The following WWOX variants were observed in gnomAD, a reference collection of about 807,000 sequenced individuals.
WWOX encodes WW domain containing oxidoreductase.
WWOX carries 69 observed loss-of-function variants against 46.2 expected under a neutral mutation model. That is an observed-to-expected ratio of 1.49 (90% CI 1.23 to 1.82). The LOEUF is 1.82. WWOX is among the 40% of genes most tolerant of loss of function. WWOX has a pLI of 0.00. For missense variants in WWOX, 919 were observed against 542.6 expected (o/e 1.69, Z -6.89); for synonymous variants, 359 against 202.6 (o/e 1.77, Z -6.56).
At chr16:78,820,688 TG>T (rs1336491973) in intron 8 of WWOX, among the ~76,000 whole-genome samples, 2 of 152,192 alleles carry the variant, frequency 1.3e-5, no homozygotes, top group African/African-American at 4.8e-5. Context: ...ATGTGTTTCC[TG>T]GGCCTGCCAT....
At chr16:78,495,647 T>C (rs2084899616) in intron 8 of WWOX, among the ~76,000 whole-genome samples, 1 of 151,762 alleles carries the variant, frequency 6.6e-6, no homozygotes, top group South Asian at 2.1e-4. Context: ...TAGCTGGGAC[T>C]ACAGGCCAAC....
chr16:78,957,046 C>G (rs896908628), intron 8 of WWOX, among the ~76,000 whole-genome samples: 3 of 152,150 alleles, frequency 2.0e-5, no homozygotes, highest in Admixed American at 1.3e-4. Context: ...ATAGACTTGC[C>G]TCATGTGACT....
At chr16:78,631,617 C>T (rs1199574420) in intron 8 of WWOX, among the ~76,000 whole-genome samples, 2 of 150,096 alleles carry the variant, frequency 1.3e-5, no homozygotes, top group Non-Finnish European at 2.9e-5. Context: ...TGGCTCACTG[C>T]AGCTTCCTCC....
intron 5 of WWOX, among the ~76,000 whole-genome samples, chr16:78,293,719 TGTAATCCCAGCAC>T (rs2079896105): frequency 1.3e-5 from 2 of 152,142 alleles, no homozygotes; most frequent in African/African-American, 4.8e-5. Flanking sequence ...GCCTCAGGCC[TGTAATCCCAGCAC>T]TTTGAGAGGC....
chr16:78,745,131 A>G (rs1597534930), intron 8 of WWOX, among the ~76,000 whole-genome samples: 1 of 152,282 alleles, frequency 6.6e-6, no homozygotes, highest in East Asian at 1.9e-4. Flanking sequence ...TTTAGAGTGG[A>G]GTTTGAATAT....
At chr16:78,868,054 A>G (rs1053662696) in intron 8 of WWOX, among the ~76,000 whole-genome samples, 6 of 152,202 alleles carry the variant, frequency 3.9e-5, no homozygotes, top group Admixed American at 3.3e-4. Flanking sequence ...AAGAAAATAA[A>G]TGCTTATACA....
intron 8 of WWOX, among the ~76,000 whole-genome samples, chr16:79,087,165 T>G (rs1175443608): frequency 6.6e-6 from 1 of 152,192 alleles, no homozygotes; most frequent in Non-Finnish European, 1.5e-5. Flanking sequence ...TCATGAAATT[T>G]ATGGAACAGT....
At chr16:78,492,975 A>T (rs1221128182) in intron 8 of WWOX, among the ~76,000 whole-genome samples, 1 of 152,144 alleles carries the variant, frequency 6.6e-6, no homozygotes, top group Non-Finnish European at 1.5e-5. Flanking sequence ...GTCATTACTA[A>T]TCATCTCTAG....
intron 8 of WWOX, among the ~76,000 whole-genome samples, chr16:78,719,015 G>A (rs1435041228): frequency 6.6e-6 from 1 of 152,074 alleles, no homozygotes; most frequent in Non-Finnish European, 1.5e-5. Flanking sequence ...GGTAGCAGGG[G>A]GGTTAGGTGG....
intron 8 of WWOX, among the ~76,000 whole-genome samples, chr16:78,842,767 A>C (rs2052193488): frequency 6.6e-6 from 1 of 150,922 alleles, no homozygotes; most frequent in Non-Finnish European, 1.5e-5. Flanking sequence ...CAGTAGATTC[A>C]TTTGAGCCCA....
intron 8 of WWOX, among the ~76,000 whole-genome samples, chr16:79,157,740 C>T (rs538866343): frequency 1.3e-5 from 2 of 152,268 alleles, no homozygotes; most frequent in East Asian, 3.9e-4. Flanking sequence ...GGGAAGGGGA[C>T]ATGCTATGTC....
At chr16:78,431,289 C>G (rs1013230795) in intron 7 of WWOX, among the ~76,000 whole-genome samples, 2 of 152,158 alleles carry the variant, frequency 1.3e-5, no homozygotes, top group Non-Finnish European at 2.9e-5. Context: ...CTCATCTTGG[C>G]TTTGTTTACA....
At chr16:78,727,378 C>T (rs1477415) in intron 8 of WWOX, among the ~76,000 whole-genome samples, 24,840 of 152,168 alleles carry the variant, frequency 0.16, 2,640 homozygotes, top group Non-Finnish European at 0.22. Context: ...GAGCAAGACT[C>T]CATCTCAAAG....
At chr16:79,000,091 A>C (rs189305151) in intron 8 of WWOX, among the ~76,000 whole-genome samples, 6 of 152,108 alleles carry the variant, frequency 3.9e-5, no homozygotes, top group Admixed American at 1.3e-4. Context: ...AGGATCCTTC[A>C]TGTGTCTGAG....
intron 4 of WWOX, among the ~76,000 whole-genome samples, chr16:78,132,534 T>C (rs2033639704): frequency 6.6e-6 from 1 of 152,224 alleles, no homozygotes; most frequent in South Asian, 2.1e-4. Context: ...TGCGGCCATG[T>C]GATGATTTTT....
intron 8 of WWOX, chr16:79,077,293 C>G (rs1240236863): frequency 6.6e-6 from 1 of 152,098 alleles, no homozygotes; most frequent in African/African-American, 2.4e-5. Flanking sequence ...TGCGTTTTGA[C>G]AAACATCCGA....
At chr16:78,718,681 C>G (rs1440255696) in intron 8 of WWOX, among the ~76,000 whole-genome samples, 1 of 152,084 alleles carries the variant, frequency 6.6e-6, no homozygotes, top group East Asian at 1.9e-4. Flanking sequence ...GCACTCCAGC[C>G]TGGCCAACAT....
chr16:78,929,971 C>T (rs1457205101), intron 8 of WWOX, among the ~76,000 whole-genome samples: 1 of 152,140 alleles, frequency 6.6e-6, no homozygotes, highest in Non-Finnish European at 1.5e-5. Context: ...TTGCAGCTAG[C>T]TCTCTGTGAC....
intron 8 of WWOX, chr16:78,780,490 G>C (rs997263470): frequency 2.0e-5 from 3 of 152,168 alleles, no homozygotes; most frequent in East Asian, 1.9e-4. Flanking sequence ...TCCGTGATGC[G>C]GGGGAAGAAG....
Sources: allele counts gnomAD v4.1 joint callset (sites outside exome capture counted in the v4.1 genomes callset), GRCh38; gene constraint gnomAD v4.1.1; transcripts MANE v1.5; gene names NCBI Gene and HGNC (gene_info 2026-07-23, HGNC 2026-07-21).